UVRAG: variants seen among roughly 807,000 people sequenced by gnomAD.
UVRAG encodes UV radiation resistance-associated gene protein.
In UVRAG, 19 loss-of-function variants were observed where a neutral mutation model predicts 78.0. The ratio of observed to expected loss-of-function variants is 0.24; its 90% CI spans 0.17 to 0.36. The LOEUF (loss-of-function observed/expected upper bound fraction) is 0.36, where lower values mean the gene tolerates loss of function less well. Among genes scored for constraint, UVRAG ranks in the 10% least tolerant of loss-of-function variants. The pLI is 1.00. For synonymous variants in UVRAG, 323 were observed against 324.6 expected (o/e 1.00, Z 0.05); for missense variants, 740 against 853.8 (o/e 0.87, Z 1.66).
intron 12 of UVRAG, among the ~76,000 whole-genome samples, chr11:76,063,994 G>A (rs1459133385): frequency 6.6e-6 from 1 of 152,192 alleles, no homozygotes; most frequent in Non-Finnish European, 1.5e-5. Context: ...AATATAAAAT[G>A]TAAATTCTGT....
At chr11:75,844,821 G>T (rs888790251) in intron 1 of UVRAG, among the ~76,000 whole-genome samples, 1 of 151,830 alleles carries the variant, frequency 6.6e-6, no homozygotes, top group Non-Finnish European at 1.5e-5. Context: ...CTACATTCAT[G>T]TGCCACCATG....
chr11:75,922,777 G>A (rs568470041), intron 6 of UVRAG, among the ~76,000 whole-genome samples: 65 of 151,686 alleles, frequency 4.3e-4, no homozygotes, highest in African/African-American at 1.5e-3. Context: ...GCGAAACCCC[G>A]TCTCTACTAA....
At chr11:76,079,864 A>G (rs1398044788) in intron 13 of UVRAG, among the ~76,000 whole-genome samples, 2 of 152,244 alleles carry the variant, frequency 1.3e-5, no homozygotes, top group African/African-American at 4.8e-5. Flanking sequence ...AATAGGTTAA[A>G]TAAATGAAGG....
At chr11:75,975,425 G>C (rs149457539) in intron 7 of UVRAG, among the ~76,000 whole-genome samples, 15,166 of 152,146 alleles carry the variant, frequency 0.1, 1,752 homozygotes, top group African/African-American at 0.28. Context: ...AGCTTGATGG[G>C]GATGGCACTG....
intron 3 of UVRAG, among the ~76,000 whole-genome samples, chr11:75,863,693 G>A (rs1946473205): frequency 6.6e-6 from 1 of 152,168 alleles, no homozygotes; most frequent in African/African-American, 2.4e-5. Flanking sequence ...TTCATCCTTT[G>A]TGCACTTAGG....
At position 75,905,360 on chromosome 11, in the gene UVRAG, T is replaced by A. The variant is rs115645243; in HGVS notation, c.508-6594T>A. ...TCAGTGGCTCTGGGTACATTCACAG[T>A]GTTGTGTACCACCATCTCTGTCAAG... is the stretch of plus-strand genomic sequence containing the variant. On this transcript the variant is annotated intron_variant, in intron 5 of 14. Coordinates refer to ENST00000356136, the MANE Select transcript of UVRAG (RefSeq NM_003369.4). 3.5e-3 allele frequency among the ~76,000 whole-genome samples: 533 copies of A among 152,340 alleles called. 3 individuals carry two copies. Among genetic ancestry groups the A allele is most frequent in the African/African-American group, 0.012 (505 of 41,592 alleles).
At chr11:75,821,546 C>T (rs771965697) in intron 1 of UVRAG, among the ~76,000 whole-genome samples, 2 of 152,176 alleles carry the variant, frequency 1.3e-5, no homozygotes, top group African/African-American at 2.4e-5. Flanking sequence ...GAGTCTCACT[C>T]TGGTCTCAAA....
At chr11:75,934,307 G>C (rs942488608) in intron 6 of UVRAG, among the ~76,000 whole-genome samples, 1 of 152,126 alleles carries the variant, frequency 6.6e-6, no homozygotes, top group African/African-American at 2.4e-5. Context: ...TGAAGTCATG[G>C]AGATAGAGAG....
chr11:76,007,428 A>G (rs563439917), intron 9 of UVRAG, 106 bp from the exon 10 acceptor site: 39 of 868,630 alleles, frequency 4.5e-5, no homozygotes, highest in East Asian at 2.1e-4. Flanking sequence ...TCTGTGGCCT[A>G]TTACAGACAG....
Position 76,141,714 on chromosome 11 carries a change from C to T in UVRAG, c.*301C>T, listed in dbSNP as rs191313465. On this transcript the variant is annotated 3_prime_UTR_variant, in exon 15 of 15. Coordinates refer to ENST00000356136, the MANE Select transcript of UVRAG (RefSeq NM_003369.4). The stretch of plus-strand genomic sequence containing the variant: ...AGCTATTTGTCTGCTTTTTATTTAC[C>T]CTTGTATGTTATCCTCAGAGGGAAG... The T allele has an allele frequency of 4.5e-3, 1,670 of 368,576 alleles. 10 individuals are homozygous for T. Among genetic ancestry groups the T allele is most frequent in the Non-Finnish European group, 6.6e-3 (1,341 of 201,992 alleles). The allele number at this position is 368,576 out of a possible 1,614,324, so 22.8% of individuals were successfully genotyped here.
intron 13 of UVRAG, among the ~76,000 whole-genome samples, chr11:76,101,508 A>G (rs745586773): frequency 5.3e-5 from 8 of 151,748 alleles, no homozygotes; most frequent in African/African-American, 9.7e-5. Flanking sequence ...CTTTGCAAAT[A>G]TTTTCTCCCA....
intron 6 of UVRAG, among the ~76,000 whole-genome samples, chr11:75,958,244 C>T (rs1177651315): frequency 6.6e-6 from 1 of 152,158 alleles, no homozygotes; most frequent in Non-Finnish European, 1.5e-5. Context: ...GTTGACTCTT[C>T]TTTCGTGAAT....
intron 13 of UVRAG, among the ~76,000 whole-genome samples, chr11:76,080,339 A>G (rs1951473213): frequency 6.6e-6 from 1 of 152,218 alleles, no homozygotes; most frequent in Admixed American, 6.5e-5. Flanking sequence ...AGATATTAAA[A>G]TAATTTTAAA....
chr11:76,018,780 C>G (rs976806450), intron 12 of UVRAG, among the ~76,000 whole-genome samples: 7 of 152,140 alleles, frequency 4.6e-5, no homozygotes, highest in Non-Finnish European at 1.0e-4. Flanking sequence ...TCTCTTTATA[C>G]TTGACCTTTG....
intron 5 of UVRAG, among the ~76,000 whole-genome samples, chr11:75,903,583 C>T (rs1355516330): frequency 6.6e-6 from 1 of 152,194 alleles, no homozygotes; most frequent in East Asian, 1.9e-4. Context: ...TTCAGCTTTT[C>T]AGTACTACTT....
At chr11:75,923,460 T>C (rs1281409363) in intron 6 of UVRAG, among the ~76,000 whole-genome samples, 1 of 152,184 alleles carries the variant, frequency 6.6e-6, no homozygotes, top group African/African-American at 2.4e-5. Flanking sequence ...ATCTGTAAAA[T>C]GATGATGATA....
intron 1 of UVRAG, among the ~76,000 whole-genome samples, chr11:75,823,793 G>A (rs918377532): frequency 6.6e-6 from 1 of 152,150 alleles, no homozygotes; most frequent in South Asian, 2.1e-4. Flanking sequence ...TACAGCACTT[G>A]TGCCTAACAC....
At chr11:76,114,408 G>A (rs1952137076) in intron 13 of UVRAG, among the ~76,000 whole-genome samples, 2 of 152,186 alleles carry the variant, frequency 1.3e-5, no homozygotes, top group South Asian at 4.1e-4. Context: ...TTTGGGGTAG[G>A]TGGTAGAGAG....
intron 6 of UVRAG, among the ~76,000 whole-genome samples, chr11:75,922,982 AT>A (rs1948010899): frequency 6.9e-6 from 1 of 145,514 alleles, no homozygotes; most frequent in East Asian, 2.0e-4. Context: ...TAAGAAAAAA[AT>A]ATATATACAT....
Sources: gnomAD v4.1 joint callset for allele counts (sites outside exome capture counted in the v4.1 genomes callset) on GRCh38, gnomAD v4.1.1 for gene constraint, MANE v1.5 for transcripts, NCBI Gene and HGNC (gene_info 2026-07-23, HGNC 2026-07-21) for gene names.